The following TENM2 variants were observed in gnomAD, a reference collection of about 807,000 sequenced individuals.
TENM2 encodes teneurin-2.
A neutral mutation model predicts 245.2 loss-of-function variants in TENM2; 52 were observed. That is an observed-to-expected ratio of 0.21 (90% confidence interval 0.17 to 0.27). TENM2 has a LOEUF of 0.27. TENM2 is among the 10% of genes least tolerant of loss of function. TENM2 has a pLI of 1.00. For missense variants in TENM2, 3,046 were observed against 3,666.8 expected, an observed-to-expected ratio of 0.83 and a Z score of 4.37; for synonymous variants, 1,363 against 1,438.9, an observed-to-expected ratio of 0.95 and a Z score of 1.19.
chr5:168,143,291 T>A (rs369221649), intron 12 of TENM2, among the ~76,000 whole-genome samples: 39 of 152,026 alleles, frequency 2.6e-4, no homozygotes, highest in African/African-American at 9.4e-4. Context: ...AAACCACATT[T>A]ATTTTGGGGG....
At chr5:167,482,598 G>C (rs1264175950) in intron 2 of TENM2, among the ~76,000 whole-genome samples, 1 of 152,056 alleles carries the variant, frequency 6.6e-6, no homozygotes, top group Non-Finnish European at 1.5e-5. Context: ...ACATCCTTTT[G>C]GGTAAGTCAA....
chr5:167,205,814 A>G, the TENM2 span, among the ~76,000 whole-genome samples: 18 of 152,164 alleles, frequency 1.2e-4, no homozygotes, highest in Admixed American at 4.6e-4. Flanking sequence ...GAAAGGATCT[A>G]CTTCCAAACT....
At chr5:167,445,328 T>TAGAGAGAGAGAGAG (rs1324065066) in intron 2 of TENM2, among the ~76,000 whole-genome samples, 97 of 33,024 alleles carry the variant, frequency 2.9e-3, no homozygotes, top group Non-Finnish European at 3.9e-3. Context: ...TATATATATA[T>TAGAGAGAGAGAGAG]ATATATATAG....
the TENM2 span, among the ~76,000 whole-genome samples, chr5:167,141,768 T>C: frequency 2.0e-5 from 3 of 152,222 alleles, no homozygotes; most frequent in Non-Finnish European, 2.9e-5. Flanking sequence ...AGCATTTCTT[T>C]ATATTTATAC....
intron 8 of TENM2, among the ~76,000 whole-genome samples, chr5:168,097,280 G>T (rs1793443023): frequency 6.6e-6 from 1 of 152,174 alleles, no homozygotes; most frequent in Admixed American, 6.6e-5. Flanking sequence ...CTGCACATCA[G>T]ACCAAATCTT....
At chr5:167,169,314 G>A in the TENM2 span, among the ~76,000 whole-genome samples, 1 of 152,120 alleles carries the variant, frequency 6.6e-6, no homozygotes, top group East Asian at 1.9e-4. Context: ...AGTAATAGTT[G>A]TGGAAAGAAA....
chr5:167,267,872 A>G, the TENM2 span, among the ~76,000 whole-genome samples: 1 of 152,150 alleles, frequency 6.6e-6, no homozygotes, highest in African/African-American at 2.4e-5. Flanking sequence ...CTTTTCTTTC[A>G]TATTACCTAT....
At chr5:167,859,417 C>CGGGA (rs1771470450) in intron 2 of TENM2, among the ~76,000 whole-genome samples, 1 of 85,978 alleles carries the variant, frequency 1.2e-5, no homozygotes. Flanking sequence ...CCGCCCCGTC[C>CGGGA]GGGAGGTGAG....
At chr5:167,627,415 A>G (rs186594660) in intron 2 of TENM2, among the ~76,000 whole-genome samples, 96 of 152,322 alleles carry the variant, frequency 6.3e-4, no homozygotes, top group African/African-American at 2.3e-3. Flanking sequence ...CTGCAGAAAA[A>G]GACCATAAGA....
chr5:168,221,490 G>A (rs937944953), intron 23 of TENM2, among the ~76,000 whole-genome samples: 5 of 152,132 alleles, frequency 3.3e-5, no homozygotes, highest in African/African-American at 1.2e-4. Flanking sequence ...GGCTATGAAT[G>A]GAATTTGTAA....
the TENM2 span, among the ~76,000 whole-genome samples, chr5:167,042,995 A>G: frequency 2.6e-5 from 4 of 152,218 alleles, no homozygotes; most frequent in Non-Finnish European, 4.4e-5. Context: ...CCAGTTGGCC[A>G]GTGACACCAC....
chr5:167,138,251 C>T, the TENM2 span, among the ~76,000 whole-genome samples: 1 of 152,156 alleles, frequency 6.6e-6, no homozygotes, highest in Non-Finnish European at 1.5e-5. Flanking sequence ...GATAAAATAG[C>T]ATATCTTTCT....
chr5:167,124,300 G>T, the TENM2 span, among the ~76,000 whole-genome samples: 2 of 152,026 alleles, frequency 1.3e-5, no homozygotes, highest in African/African-American at 2.4e-5. Context: ...TATTATTCCT[G>T]GTCCATCTTC....
At chr5:167,765,788 A>G (rs1433168145) in intron 2 of TENM2, among the ~76,000 whole-genome samples, 1 of 152,178 alleles carries the variant, frequency 6.6e-6, no homozygotes, top group African/African-American at 2.4e-5. Flanking sequence ...TATGCACCGG[A>G]CACATTCTTT....
chr5:168,215,597 A>G (rs1268729788), intron 21 of TENM2, among the ~76,000 whole-genome samples: 2 of 152,242 alleles, frequency 1.3e-5, no homozygotes, highest in Non-Finnish European at 2.9e-5. Flanking sequence ...TGAACCCGGG[A>G]GGCGGAGCTT....
intron 2 of TENM2, among the ~76,000 whole-genome samples, chr5:167,509,702 T>C (rs538609016): frequency 4.6e-5 from 7 of 152,210 alleles, no homozygotes; most frequent in Non-Finnish European, 8.8e-5. Context: ...GCACTTACCA[T>C]GTGCCAGGAC....
At chr5:167,550,956 T>C (rs1368300178) in intron 2 of TENM2, among the ~76,000 whole-genome samples, 2 of 152,094 alleles carry the variant, frequency 1.3e-5, no homozygotes, top group Middle Eastern at 3.2e-3. Context: ...CTTGAACTCT[T>C]GACCTTAGGC....
At chr5:167,925,091 G>T (rs1777651142) in intron 3 of TENM2, among the ~76,000 whole-genome samples, 1 of 152,168 alleles carries the variant, frequency 6.6e-6, no homozygotes, top group Non-Finnish European at 1.5e-5. Context: ...TGGCAGGTTT[G>T]CTTCTCAGTA....
chr5:167,921,587 C>A (rs1057423677), intron 3 of TENM2, among the ~76,000 whole-genome samples: 1 of 152,128 alleles, frequency 6.6e-6, no homozygotes, highest in African/African-American at 2.4e-5. Flanking sequence ...TTAAAGTCAG[C>A]CTCTTAACAA....
Sources: gnomAD v4.1 joint callset for allele counts (sites outside exome capture counted in the v4.1 genomes callset) on GRCh38, gnomAD v4.1.1 for gene constraint, MANE v1.5 for transcripts, NCBI Gene and HGNC (gene_info 2026-07-23, HGNC 2026-07-21) for gene names.